Variants in TEX9 observed in about 807,000 individuals in gnomAD.
The protein encoded by TEX9 is testis-expressed protein 9.
TEX9 carries 74 observed loss-of-function variants against 59.6 expected under a neutral mutation model. That is an observed-to-expected ratio of 1.24 (90% CI 1.03 to 1.51). The LOEUF is 1.51. Ranked by LOEUF, TEX9 falls within the 40% of genes most tolerant of loss-of-function variation. TEX9 has a pLI of 0.00. For synonymous variants in TEX9, 186 were observed against 152.2 expected (o/e 1.22, Z -1.64); for missense variants, 522 against 447.8 (o/e 1.17, Z -1.49).
intron 1 of TEX9, among the ~76,000 whole-genome samples, chr15:56,359,530 C>G (rs2046752600): frequency 6.6e-6 from 1 of 152,120 alleles, no homozygotes; most frequent in Non-Finnish European, 1.5e-5. Flanking sequence ...AGTAGCATGT[C>G]TCAGAATTTC....
chr15:56,391,435 T>C lies in TEX9; in HGVS notation c.571+17T>C. The stretch of plus-strand genomic sequence containing the variant: ...TTGGAACAGGTAGATTTTCTTTAGT[T>C]TTTTATTTTTATCTTTATAGCACAG... On this transcript the variant is annotated intron_variant, in intron 7 of 12. Coordinates refer to ENST00000352903, the Ensembl canonical transcript of TEX9. The C allele has an allele frequency of 6.8e-7, 1 of 1,467,344 alleles. No homozygotes were observed. Among genetic ancestry groups the C allele is most frequent in the Non-Finnish European group, 9.1e-7 (1 of 1,098,402 alleles). 90.9% of individuals were successfully genotyped at this position (1,467,344 alleles called of 1,614,324 possible).
At chr15:56,302,511 AC>A (rs2045385701) in intron 1 of TEX9, among the ~76,000 whole-genome samples, 3 of 152,240 alleles carry the variant, frequency 2.0e-5, no homozygotes, top group African/African-American at 7.2e-5. Flanking sequence ...ACAGAGCCAG[AC>A]CCTGTCTCAA....
intron 1 of TEX9, among the ~76,000 whole-genome samples, chr15:56,324,270 A>T (rs1171100372): frequency 1.3e-5 from 2 of 152,080 alleles, no homozygotes; most frequent in African/African-American, 4.8e-5. Flanking sequence ...AAGAAACAGT[A>T]CAAGTTCTTG....
intron 4 of TEX9, among the ~76,000 whole-genome samples, chr15:56,386,304 G>C (rs769440028): frequency 3.3e-5 from 5 of 151,634 alleles, no homozygotes; most frequent in Non-Finnish European, 7.4e-5. Flanking sequence ...GGAACACAAG[G>C]GAACTTTTTG....
chr15:56,364,681 C>A (rs374402317), upstream of TEX9, among the ~76,000 whole-genome samples: 58 of 152,026 alleles, frequency 3.8e-4, no homozygotes, highest in African/African-American at 1.4e-3. Context: ...CAGTTGTCTC[C>A]CCATCTGTTG....
chr15:56,427,454 T>C, intron 10 of TEX9, 151 bp from the exon 11 acceptor site: 2 of 436,860 alleles, frequency 4.6e-6, no homozygotes, highest in Non-Finnish European at 4.0e-6. Context: ...CAAATTCCAG[T>C]AATTCGGTAA....
rs2048370134 is a variant in TEX9, at chr15:56,394,655, C to G, written c.655-6C>G. On this transcript the variant is annotated splice_region_variant and splice_polypyrimidine_tract_variant and intron_variant, in intron 8 of 12. Coordinates refer to ENST00000352903, the Ensembl canonical transcript of TEX9. ...TTTCACATAATCTATAACTTTATAA[C>G]TATAGGAGGATGAAATTCAGAATTT... 3 of 1,552,570 alleles carry G rather than the reference C, an allele frequency of 1.9e-6. No homozygotes were observed. In the South Asian group the frequency reaches 3.4e-5, roughly 18 times the overall value.
intron 5 of TEX9, among the ~76,000 whole-genome samples, chr15:56,389,044 G>T (rs1163924155): frequency 6.6e-6 from 1 of 151,954 alleles, no homozygotes; most frequent in South Asian, 2.1e-4. Flanking sequence ...GAGTCAGAAC[G>T]TCCAGATTTA....
chr15:56,443,283 A>G (rs779348690), intron 12 of TEX9: 7 of 517,772 alleles, frequency 1.4e-5, no homozygotes, highest in Non-Finnish European at 2.2e-5. Flanking sequence ...GCCAGCTTGA[A>G]AATTTCTGTC....
rs557289420 is a variant in TEX9 at position 56,418,016 on chromosome 15, T to C, written c.963+5580T>C. Reference sequence around the variant, plus strand: ...AATTGCAACCCCTGCTTTTTTCTGTTTTCTATTTCCTGGTAGATTTTCCTC... The same window carrying C: ...AATTGCAACCCCTGCTTTTTTCTGTCTTCTATTTCCTGGTAGATTTTCCTC... On this transcript the variant is annotated intron_variant, in intron 10 of 12. Transcript: ENST00000352903. 9.9e-5 allele frequency among the ~76,000 whole-genome samples: 15 copies of C among 152,052 alleles called. 2 individuals are homozygous for C. The highest frequency in any genetic ancestry group is 3.6e-4 in the African/African-American group (15 of 41,300).
intron 12 of TEX9, chr15:56,428,491 A>ATTTTACTTATTG (rs752113432): frequency 7.9e-7 from 1 of 1,270,730 alleles, no homozygotes; most frequent in Admixed American, 1.8e-5. Flanking sequence ...ATGGATACCC[A>ATTTTACTTATTG]TTTTACTTAT....
At chr15:56,393,075 T>C (rs1170074746) in intron 7 of TEX9, among the ~76,000 whole-genome samples, 3 of 152,146 alleles carry the variant, frequency 2.0e-5, no homozygotes, top group Admixed American at 1.3e-4. Context: ...CCTCCAGACA[T>C]GGGAGCACTC....
At chr15:56,410,144 A>T (rs1173402698) in intron 9 of TEX9, 1 of 152,182 alleles carries the variant, frequency 6.6e-6, no homozygotes, top group African/African-American at 2.4e-5. Context: ...CAGATATGGA[A>T]ATGAGTCTAC....
At chr15:56,300,540 G>A (rs1177899896) in intron 1 of TEX9, among the ~76,000 whole-genome samples, 1 of 151,152 alleles carries the variant, frequency 6.6e-6, no homozygotes, top group Non-Finnish European at 1.5e-5. Context: ...GACCTTGAGG[G>A]AACATAAGCA....
At chr15:56,318,611 T>C (rs1567083900) in intron 1 of TEX9, among the ~76,000 whole-genome samples, 2 of 152,138 alleles carry the variant, frequency 1.3e-5, no homozygotes, top group Admixed American at 1.3e-4. Context: ...TATTCCTTTA[T>C]TACTTCCTTC....
In TEX9 at chr15:56,385,754, A is replaced by G. The variant is rs150433475; in HGVS notation, c.263+1723A>G. On this transcript the variant is annotated intron_variant, in intron 4 of 12. Coordinates refer to ENST00000352903, the Ensembl canonical transcript of TEX9. ...TGGCTTTTAAAATATTAAAACAACT[A>G]TGGGTACCCCGCCTTCCAGTATTCT... Among the ~76,000 whole-genome samples the G allele has an allele frequency of 4.6e-3, 703 of 152,170 alleles. 11 individuals are homozygous for G. Among genetic ancestry groups the G allele is most frequent in the Admixed American group, 0.011 (167 of 15,274 alleles).
intron 6 of TEX9, among the ~76,000 whole-genome samples, chr15:56,389,728 A>G (rs1375006042): frequency 2.0e-5 from 3 of 151,706 alleles, no homozygotes; most frequent in African/African-American, 7.3e-5. Context: ...GTTCTCCCAA[A>G]TAGGCTCAAT....
downstream of TEX9, among the ~76,000 whole-genome samples, chr15:56,450,832 T>A (rs1567152990): frequency 6.6e-6 from 1 of 152,216 alleles, no homozygotes; most frequent in Non-Finnish European, 1.5e-5. Flanking sequence ...AGCACCTGCA[T>A]CATTTTACAT....
chr15:56,326,197 T>C (rs1226871121), intron 1 of TEX9, among the ~76,000 whole-genome samples: 1 of 152,200 alleles, frequency 6.6e-6, no homozygotes, highest in Non-Finnish European at 1.5e-5. Context: ...AGTCCTTCTT[T>C]GAATAGAAAT....
Sources: gnomAD v4.1 joint callset for allele counts (sites outside exome capture counted in the v4.1 genomes callset) on GRCh38, gnomAD v4.1.1 for gene constraint, MANE v1.5 for transcripts, NCBI Gene and HGNC (gene_info 2026-07-23, HGNC 2026-07-21) for gene names.